Variants in SPIDR observed in about 807,000 individuals in gnomAD.
SPIDR encodes DNA repair-scaffolding protein.
Under a neutral mutation model 104.6 loss-of-function variants are expected in SPIDR, and 93 were observed. That is an observed-to-expected ratio of 0.89 (90% CI 0.75 to 1.06). The LOEUF (loss-of-function observed/expected upper bound fraction) is 1.06. Among genes scored for constraint, SPIDR ranks in the 50% least tolerant of loss-of-function variants. The pLI, the probability that SPIDR is intolerant of heterozygous loss-of-function variation, is 0.00. For synonymous variants in SPIDR, 431 were observed against 416.9 expected (o/e 1.03, Z -0.41); for missense variants, 1,154 against 1,111.2 (o/e 1.04, Z -0.55).
chr8:47,361,196 A>G (rs1320753299), intron 5 of SPIDR, among the ~76,000 whole-genome samples: 1 of 152,234 alleles, frequency 6.6e-6, no homozygotes, highest in African/African-American at 2.4e-5. Flanking sequence ...GGTGATGTTC[A>G]TATGGAGCAT....
At position 47,716,398 on chromosome 8, in the gene SPIDR, C is replaced by T. The variant is rs149911284; in HGVS notation, c.2341+2757C>T. The stretch of plus-strand genomic sequence containing the variant: ...TCTTGTGATTCCATTGTTGCTTTCA[C>T]ATTCTTTTCACTGTGTTGAGGCCAT... On this transcript the variant is annotated intron_variant, in intron 16 of 19. Coordinates refer to ENST00000297423, the MANE Select transcript of SPIDR (RefSeq NM_001080394.4). Among the ~76,000 whole-genome samples, 36 of 152,304 alleles carry T rather than the reference C, an allele frequency of 2.4e-4. No individual in the cohort carries two copies. In the East Asian group the frequency reaches 6.7e-3, roughly 29 times the overall value.
At chr8:47,263,415 C>T (rs570310425) in intron 1 of SPIDR, among the ~76,000 whole-genome samples, 1 of 151,782 alleles carries the variant, frequency 6.6e-6, no homozygotes, top group Non-Finnish European at 1.5e-5. Flanking sequence ...GACGCAGTCT[C>T]GCTCTGTCGC....
intron 5 of SPIDR, among the ~76,000 whole-genome samples, chr8:47,314,637 C>G: frequency 6.6e-6 from 1 of 152,252 alleles, no homozygotes; most frequent in South Asian, 2.1e-4. Flanking sequence ...ATGAGGGTAA[C>G]TGCTCCATGA....
chr8:47,363,125 G>A (rs1014082650), intron 5 of SPIDR, among the ~76,000 whole-genome samples: 13 of 151,492 alleles, frequency 8.6e-5, no homozygotes, highest in African/African-American at 3.2e-4. Context: ...TCCCCTAGAC[G>A]AGTTCATGTA....
chr8:47,483,107 T>G (rs1291852334), intron 8 of SPIDR, among the ~76,000 whole-genome samples: 1 of 152,060 alleles, frequency 6.6e-6, no homozygotes, highest in Non-Finnish European at 1.5e-5. Flanking sequence ...TCTTTCCCAT[T>G]CAGAGAGTCA....
intron 8 of SPIDR, among the ~76,000 whole-genome samples, chr8:47,579,047 A>G (rs966959373): frequency 1.3e-5 from 2 of 152,220 alleles, no homozygotes; most frequent in African/African-American, 4.8e-5. Flanking sequence ...TTGTATTTTT[A>G]AAGTTTTATT....
intron 10 of SPIDR, among the ~76,000 whole-genome samples, chr8:47,651,827 A>G (rs1428615502): frequency 1.3e-5 from 2 of 152,182 alleles, no homozygotes; most frequent in Non-Finnish European, 2.9e-5. Context: ...GCTGGAGGCC[A>G]TTATTCTAAA....
At chr8:47,427,441 A>G (rs1585529688) in intron 7 of SPIDR, among the ~76,000 whole-genome samples, 2 of 152,184 alleles carry the variant, frequency 1.3e-5, no homozygotes, top group South Asian at 4.1e-4. Context: ...GTACTAAAAA[A>G]TTAATACTTC....
rs190987055 is a variant in SPIDR at position 47,464,181 on chromosome 8, G to A, written c.1097+23639G>A. Among the ~76,000 whole-genome samples, 178 of 151,064 alleles carry A rather than the reference G, an allele frequency of 1.2e-3. 2 individuals are homozygous for A. Among genetic ancestry groups the A allele is most frequent in the Admixed American group, 0.011 (172 of 15,140 alleles). On this transcript the variant is annotated intron_variant, in intron 8 of 19. Transcript: ENST00000297423. The stretch of plus-strand genomic sequence containing the variant: ...AGAGCACGTTAGTAAATTGAGGAAA[G>A]TTGCACAATGCAGATTAATATACAA...
At chr8:47,403,106 A>G (rs537133600) in intron 6 of SPIDR, among the ~76,000 whole-genome samples, 1 of 152,354 alleles carries the variant, frequency 6.6e-6, no homozygotes, top group African/African-American at 2.4e-5. Flanking sequence ...CAAAAACCAC[A>G]TGAATATCTC....
chr8:47,290,619 G>A (rs1217518190), intron 3 of SPIDR, among the ~76,000 whole-genome samples: 2 of 152,208 alleles, frequency 1.3e-5, no homozygotes, highest in Non-Finnish European at 2.9e-5. Context: ...AGAGCTCTTA[G>A]CATGGCAAAG....
chr8:47,446,969 T>TC (rs1160749877), intron 8 of SPIDR, among the ~76,000 whole-genome samples: 1 of 152,116 alleles, frequency 6.6e-6, no homozygotes, highest in Non-Finnish European at 1.5e-5. Flanking sequence ...CATTCATGAT[T>TC]CATGGGAGGA....
Position 47,401,093 on chromosome 8 carries a change from C to T in SPIDR, c.776+4467C>T, listed in dbSNP as rs554710656. On this transcript the variant is annotated intron_variant, in intron 6 of 19. Coordinates refer to ENST00000297423, the MANE Select transcript of SPIDR (RefSeq NM_001080394.4). ...GTTAAGGGCAGCCAGAGAGAAAGGT[C>T]GGGTTACTCACAAAGAGAAGCCCAT... Among the ~76,000 whole-genome samples, 13 of 152,148 alleles carry T rather than the reference C, an allele frequency of 8.5e-5. No individual in the cohort carries two copies. In the South Asian group the frequency reaches 1.9e-3, roughly 22 times the overall value.
intron 8 of SPIDR, chr8:47,592,571 T>A: frequency 7.8e-7 from 1 of 1,283,978 alleles, no homozygotes. Context: ...CAGCAAACCC[T>A]GGGTTTCCTT....
At chr8:47,275,427 C>T (rs2036217626) in intron 1 of SPIDR, among the ~76,000 whole-genome samples, 1 of 151,524 alleles carries the variant, frequency 6.6e-6, no homozygotes, top group African/African-American at 2.4e-5. Context: ...AATTTAATGT[C>T]ATTAGTTTTA....
chr8:47,313,953 T>G (rs2044746524), intron 5 of SPIDR, among the ~76,000 whole-genome samples: 2 of 152,234 alleles, frequency 1.3e-5, no homozygotes, highest in African/African-American at 4.8e-5. Flanking sequence ...TACTTCAAGC[T>G]GAAGGAAAGT....
chr8:47,577,769 A>G (rs1302337192), intron 8 of SPIDR, among the ~76,000 whole-genome samples: 1 of 152,230 alleles, frequency 6.6e-6, no homozygotes, highest in East Asian at 1.9e-4. Context: ...TGTGGGTCCA[A>G]TAGCATCAAC....
At chr8:47,733,889 T>C (rs2154495133) in intron 19 of SPIDR, among the ~76,000 whole-genome samples, 2 of 152,210 alleles carry the variant, frequency 1.3e-5, no homozygotes, top group South Asian at 4.2e-4. Flanking sequence ...AACCATCCTG[T>C]TGACTTTATT....
chr8:47,449,922 C>G (rs2071383483), intron 8 of SPIDR, among the ~76,000 whole-genome samples: 1 of 152,156 alleles, frequency 6.6e-6, no homozygotes. Context: ...ATAATGCCAA[C>G]ACTTTGGGAG....
Sources: gnomAD v4.1 joint callset for allele counts (sites outside exome capture counted in the v4.1 genomes callset) on GRCh38, gnomAD v4.1.1 for gene constraint, MANE v1.5 for transcripts, NCBI Gene and HGNC (gene_info 2026-07-23, HGNC 2026-07-21) for gene names.